The following ASZ1 variants were observed in gnomAD, a reference collection of about 807,000 sequenced individuals.
ASZ1 encodes ankyrin repeat, SAM and basic leucine zipper domain containing 1.
Under a neutral mutation model 61.8 loss-of-function variants are expected in ASZ1, and 67 were observed. That is an observed-to-expected ratio of 1.08 (90% confidence interval 0.89 to 1.33). The LOEUF is 1.33. Among genes scored for constraint, ASZ1 ranks in the 40% most tolerant of loss-of-function variants. ASZ1 has a pLI of 0.00. For synonymous variants in ASZ1, 193 were observed against 192.7 expected (o/e 1.00, Z -0.01); for missense variants, 577 against 554.5 (o/e 1.04, Z -0.41).
chr7:117,385,661 CAG>C (rs759225056), intron 5 of ASZ1, 35 bp downstream of exon 5: 5 of 1,491,576 alleles, frequency 3.4e-6, no homozygotes, highest in Non-Finnish European at 3.7e-6. Context: ...CTGATAATAA[CAG>C]AAACAAAAAG....
At chr7:117,417,570 T>C (rs986960612) in intron 4 of ASZ1, among the ~76,000 whole-genome samples, 1 of 152,214 alleles carries the variant, frequency 6.6e-6, no homozygotes, top group East Asian at 1.9e-4. Context: ...TGTCCTGATA[T>C]GTTTTGTCTT....
intron 2 of ASZ1, among the ~76,000 whole-genome samples, chr7:117,426,325 C>CAA (rs572393412): frequency 0.017 from 2,135 of 129,024 alleles, 21 homozygotes; most frequent in Middle Eastern, 0.038. Flanking sequence ...ATTAAAAATA[C>CAA]AAAAAAAAAA....
At chr7:117,384,557 A>AATTGCT (rs1208390327) in intron 6 of ASZ1, among the ~76,000 whole-genome samples, 169 bp downstream of exon 6, 1 of 152,172 alleles carries the variant, frequency 6.6e-6, no homozygotes, top group Non-Finnish European at 1.5e-5. Flanking sequence ...ATACTCTAGC[A>AATTGCT]AAATAAAGTT....
At chr7:117,424,008 G>A (rs1042557047) in intron 2 of ASZ1, among the ~76,000 whole-genome samples, 2 of 151,946 alleles carry the variant, frequency 1.3e-5, no homozygotes, top group African/African-American at 4.8e-5. Flanking sequence ...GTTTCAAAAG[G>A]ATGAACACAG....
intron 4 of ASZ1, among the ~76,000 whole-genome samples, chr7:117,414,448 A>C (rs964002883): frequency 6.6e-6 from 1 of 152,184 alleles, no homozygotes; most frequent in African/African-American, 2.4e-5. Flanking sequence ...TTAGTTAATA[A>C]GTTTGGAAAT....
intron 10 of ASZ1, among the ~76,000 whole-genome samples, chr7:117,370,849 T>TGTGTGTGTGTGTGA (rs1491399393): frequency 1.0e-4 from 15 of 147,584 alleles, no homozygotes; most frequent in South Asian, 8.8e-4. Flanking sequence ...TGTGTGTGTG[T>TGTGTGTGTGTGTGA]GACAGAGTCT....
intron 4 of ASZ1, among the ~76,000 whole-genome samples, chr7:117,412,532 A>AT (rs1308818059): frequency 6.6e-6 from 1 of 151,842 alleles, no homozygotes; most frequent in Non-Finnish European, 1.5e-5. Context: ...AGTAGGCAAC[A>AT]TTTTTTCCAA....
intron 10 of ASZ1, among the ~76,000 whole-genome samples, chr7:117,376,442 C>A (rs1390200951): frequency 6.6e-6 from 1 of 152,114 alleles, no homozygotes; most frequent in Non-Finnish European, 1.5e-5. Context: ...CATCCCAATT[C>A]ATTTTGTGAG....
At chr7:117,405,816 G>A (rs776846782) in intron 4 of ASZ1, among the ~76,000 whole-genome samples, 25 of 152,208 alleles carry the variant, frequency 1.6e-4, no homozygotes, top group African/African-American at 5.8e-4. Flanking sequence ...ACATAAGGTG[G>A]TCCAGGAGCA....
Position 117,382,023 on chromosome 7 carries a change from A to C in ASZ1, c.888+46T>G. ...ATATCTAACATTATATTAACCAACA[A>C]ATTAACATATATGCATAACTCACTG... On this transcript the variant is annotated intron_variant, in intron 8 of 12. Transcript: ENST00000284629. 6 of 1,211,642 alleles carry C rather than the reference A, an allele frequency of 5.0e-6. 1 individual carries two copies. The highest frequency in any genetic ancestry group is 7.3e-6 in the Non-Finnish European group (6 of 824,254). The allele number at this position is 1,211,642 out of a possible 1,614,324, so 75.1% of individuals were successfully genotyped here.
intron 4 of ASZ1, among the ~76,000 whole-genome samples, chr7:117,414,492 AT>A (rs1796952229): frequency 6.6e-6 from 1 of 152,124 alleles, no homozygotes; most frequent in Admixed American, 6.6e-5. Flanking sequence ...TTAATTATTT[AT>A]TTTTATTATA....
chr7:117,375,036 G>C (rs1796112805), intron 10 of ASZ1, among the ~76,000 whole-genome samples: 1 of 152,058 alleles, frequency 6.6e-6, no homozygotes, highest in Non-Finnish European at 1.5e-5. Flanking sequence ...CAAAGTTGGG[G>C]AGAGAAAACC....
chr7:117,363,991 T>A (rs1795880383), intron 12 of ASZ1, among the ~76,000 whole-genome samples: 1 of 152,164 alleles, frequency 6.6e-6, no homozygotes, highest in Admixed American at 6.5e-5. Flanking sequence ...TCATAGATGA[T>A]CACATTTTAA....
chr7:117,426,325 CAA>C (rs572393412), intron 2 of ASZ1, among the ~76,000 whole-genome samples: 6 of 129,034 alleles, frequency 4.6e-5, no homozygotes, highest in African/African-American at 1.2e-4. Flanking sequence ...ATTAAAAATA[CAA>C]AAAAAAAAAA....
intron 4 of ASZ1, among the ~76,000 whole-genome samples, chr7:117,394,685 G>T (rs1007179931): frequency 6.6e-6 from 1 of 152,040 alleles, no homozygotes; most frequent in African/African-American, 2.4e-5. Flanking sequence ...TTCTGGAAAG[G>T]TTCTCCATGT....
intron 4 of ASZ1, among the ~76,000 whole-genome samples, chr7:117,418,648 ATC>A (rs1204112340): frequency 1.0e-5 from 1 of 99,674 alleles, no homozygotes. Context: ...GCAAGACTCC[ATC>A]TCAAAAAAAA....
chr7:117,381,179 T>C, intron 8 of ASZ1, 112 bp from the exon 9 acceptor site: 3 of 853,722 alleles, frequency 3.5e-6, no homozygotes, highest in Non-Finnish European at 5.5e-6. Flanking sequence ...AAATTCCAAT[T>C]TTCTAGAGGG....
At chr7:117,368,291 C>T in intron 11 of ASZ1, 1 of 989,068 alleles carries the variant, frequency 1.0e-6, no homozygotes. Flanking sequence ...TTAAATAACA[C>T]ACTGTTTTAT....
chr7:117,413,929 A>T (rs1406227667), intron 4 of ASZ1, among the ~76,000 whole-genome samples: 3 of 152,112 alleles, frequency 2.0e-5, no homozygotes, highest in Non-Finnish European at 2.9e-5. Flanking sequence ...AGAAGTTTTT[A>T]AAAATTTCTT....
Sources: gnomAD v4.1 joint callset for allele counts (sites outside exome capture counted in the v4.1 genomes callset) on GRCh38, gnomAD v4.1.1 for gene constraint, MANE v1.5 for transcripts, NCBI Gene and HGNC (gene_info 2026-07-23, HGNC 2026-07-21) for gene names.